DLGAP2: variants seen among roughly 807,000 people sequenced by gnomAD.
The protein encoded by DLGAP2 is disks large-associated protein 2.
DLGAP2 carries 26 observed loss-of-function variants against 100.3 expected under a neutral mutation model. The ratio of observed to expected loss-of-function variants is 0.26; its 90% CI spans 0.19 to 0.36. The LOEUF (loss-of-function observed/expected upper bound fraction) is 0.36, where lower values mean the gene tolerates loss of function less well. DLGAP2 is among the 10% of genes least tolerant of loss of function. The probability of loss-of-function intolerance (pLI) is 1.00; values close to 1 mark genes in which losing one functional copy is unlikely to be tolerated. For missense variants in DLGAP2, 1,858 were observed against 1,453.2 expected, an observed-to-expected ratio of 1.28 and a Z score of -4.53; for synonymous variants, 886 against 630.1, an observed-to-expected ratio of 1.41 and a Z score of -6.08.
At chr8:1,120,124 C>T (rs1040404664) in intron 2 of DLGAP2, among the ~76,000 whole-genome samples, 2 of 152,160 alleles carry the variant, frequency 1.3e-5, no homozygotes, top group Non-Finnish European at 1.5e-5. Flanking sequence ...TCCCATTTCA[C>T]CACCGTTGGG....
intron 2 of DLGAP2, among the ~76,000 whole-genome samples, chr8:1,178,950 C>T (rs186283967): frequency 1.5e-3 from 226 of 152,104 alleles, no homozygotes; most frequent in South Asian, 4.0e-3. Context: ...CTGGGGCCCA[C>T]GCCGCCCTGG....
intron 2 of DLGAP2, among the ~76,000 whole-genome samples, chr8:1,143,108 C>T (rs1796549761): frequency 6.6e-6 from 1 of 152,304 alleles, no homozygotes; most frequent in Non-Finnish European, 1.5e-5. Flanking sequence ...GTTAGCGCAG[C>T]GGCCACCCTC....
intron 2 of DLGAP2, chr8:910,417 T>C (rs1798461718): frequency 6.6e-6 from 1 of 152,222 alleles, no homozygotes; most frequent in South Asian, 2.1e-4. Context: ...GGGAATTCCG[T>C]TGGTTACTTT....
rs1800271611 is a variant in DLGAP2 at position 1,299,269 on chromosome 8, C to A, written c.106+40386C>A. 1.3e-5 allele frequency among the ~76,000 whole-genome samples: 2 copies of A among 152,220 alleles called. 1 individual carries two copies. Among genetic ancestry groups the A allele is most frequent in the South Asian group, 4.1e-4 (2 of 4,828 alleles). On this transcript the variant is annotated intron_variant, in intron 3 of 14. Transcript: ENST00000637795. ...CCTGACCGTCCACAGAGGCCCCCAC[C>A]CGAGGCCACCCAGGGTGCCGCATGG...
At chr8:876,010 C>A (rs1481856906) in intron 1 of DLGAP2, among the ~76,000 whole-genome samples, 3 of 152,166 alleles carry the variant, frequency 2.0e-5, no homozygotes, top group African/African-American at 7.2e-5. Context: ...GACTTTACCA[C>A]CTGTAATTAT....
At chr8:762,079 G>A (rs1207054552) in intron 1 of DLGAP2, among the ~76,000 whole-genome samples, 1 of 152,178 alleles carries the variant, frequency 6.6e-6, no homozygotes, top group Non-Finnish European at 1.5e-5. Context: ...CAAAGGCTGT[G>A]CTATGTAACT....
chr8:954,208 T>C (rs1189939384), intron 2 of DLGAP2, among the ~76,000 whole-genome samples: 2 of 152,164 alleles, frequency 1.3e-5, no homozygotes, highest in African/African-American at 4.8e-5. Context: ...TTTTGTGTAG[T>C]GAGAAAATTC....
chr8:1,185,848 C>G (rs145588653), intron 2 of DLGAP2, among the ~76,000 whole-genome samples: 57 of 152,250 alleles, frequency 3.7e-4, no homozygotes, highest in African/African-American at 1.3e-3. Flanking sequence ...TTCAGGAGAT[C>G]CAATCAGCAG....
intron 1 of DLGAP2, among the ~76,000 whole-genome samples, chr8:898,276 T>C (rs1232476714): frequency 6.6e-6 from 1 of 152,100 alleles, no homozygotes; most frequent in African/African-American, 2.4e-5. Flanking sequence ...TGTAGCCTCC[T>C]GCTTGGGTGA....
intron 1 of DLGAP2, among the ~76,000 whole-genome samples, chr8:765,881 A>T (rs1222725466): frequency 6.6e-6 from 1 of 152,080 alleles, no homozygotes; most frequent in African/African-American, 2.4e-5. Flanking sequence ...AAACATACCC[A>T]CATATGGCCG....
At chr8:952,292 G>C (rs764190220) in intron 2 of DLGAP2, among the ~76,000 whole-genome samples, 9 of 152,168 alleles carry the variant, frequency 5.9e-5, no homozygotes, top group Non-Finnish European at 7.3e-5. Context: ...ATTACTAAGG[G>C]CCAACAATTC....
intron 2 of DLGAP2, among the ~76,000 whole-genome samples, chr8:1,121,553 A>T (rs1796048518): frequency 6.8e-6 from 1 of 147,696 alleles, no homozygotes; most frequent in South Asian, 2.2e-4. Flanking sequence ...ACTCATGACC[A>T]CCCATCTTCT....
At chr8:1,347,704 A>T (rs912013581) in intron 3 of DLGAP2, among the ~76,000 whole-genome samples, 57 of 150,308 alleles carry the variant, frequency 3.8e-4, no homozygotes, top group Non-Finnish European at 4.4e-5. Flanking sequence ...CTGAGTTCCT[A>T]TACAGAGCTG....
At position 806,509 on chromosome 8, in the gene DLGAP2, G is replaced by C. The variant is rs1200118948; in HGVS notation, c.18+68684G>C. Among the ~76,000 whole-genome samples the C allele has an allele frequency of 2.6e-5, 4 of 152,320 alleles. No homozygotes were observed. In the East Asian group the frequency reaches 7.7e-4, roughly 29 times the overall value. On this transcript the variant is annotated intron_variant, in intron 1 of 14. Coordinates refer to ENST00000637795, the MANE Select transcript of DLGAP2 (RefSeq NM_001346810.2). ...GTAGGGCTCCCCAAAGGGAGACTGA[G>C]GCAAGGTAGCACAAGAGGGACAGGT...
chr8:839,023 G>T (rs1796933337), intron 1 of DLGAP2, among the ~76,000 whole-genome samples: 2 of 152,168 alleles, frequency 1.3e-5, no homozygotes, highest in Non-Finnish European at 2.9e-5. Flanking sequence ...AGCCACATAT[G>T]ACCACAGTGG....
chr8:1,351,913 A>T (rs1475685413), intron 3 of DLGAP2, among the ~76,000 whole-genome samples: 4 of 45,068 alleles, frequency 8.9e-5, no homozygotes, highest in African/African-American at 1.3e-4. Flanking sequence ...TGACTGTGGA[A>T]AGGCCGTGCG....
chr8:1,407,733 G>T (rs1325231517), intron 3 of DLGAP2, among the ~76,000 whole-genome samples: 1 of 125,058 alleles, frequency 8.0e-6, no homozygotes, highest in Non-Finnish European at 1.7e-5. Context: ...CTTACTGAGC[G>T]CCAGCTCGTC....
At chr8:883,666 T>A (rs548276486) in intron 1 of DLGAP2, among the ~76,000 whole-genome samples, 97 of 146,556 alleles carry the variant, frequency 6.6e-4, no homozygotes, top group Non-Finnish European at 1.0e-3. Context: ...GTTACGTAGG[T>A]GCGCGTGTGC....
At chr8:1,305,363 G>C (rs931265025) in intron 3 of DLGAP2, among the ~76,000 whole-genome samples, 1 of 152,154 alleles carries the variant, frequency 6.6e-6, no homozygotes, top group Non-Finnish European at 1.5e-5. Flanking sequence ...GCATTATTTT[G>C]TTTGGTTTAG....
Sources: allele counts gnomAD v4.1 joint callset (sites outside exome capture counted in the v4.1 genomes callset), GRCh38; gene constraint gnomAD v4.1.1; transcripts MANE v1.5; gene names NCBI Gene and HGNC (gene_info 2026-07-23, HGNC 2026-07-21).